Variants in SF3B2 observed in about 807,000 individuals in gnomAD.
SF3B2 encodes splicing factor 3b subunit 2.
SF3B2 carries 22 observed loss-of-function variants against 116.3 expected under a neutral mutation model. The observed-to-expected ratio is 0.19, with a 90% CI of 0.14 to 0.27. The LOEUF (loss-of-function observed/expected upper bound fraction) is 0.27. SF3B2 is among the 10% of genes least tolerant of loss of function. The pLI, the probability that SF3B2 is intolerant of heterozygous loss-of-function variation, is 1.00. For synonymous variants in SF3B2, 406 were observed against 421.6 expected, an observed-to-expected ratio of 0.96 and a Z score of 0.45; for missense variants, 767 against 1,151.4, an observed-to-expected ratio of 0.67 and a Z score of 4.83.
At chr11:66,053,522 T>A (rs1856929895) in intron 3 of SF3B2, 1 of 207,870 alleles carries the variant, frequency 4.8e-6, no homozygotes, top group South Asian at 7.0e-5. Flanking sequence ...CTACAAAAAA[T>A]TTTAAAAATT....
intron 13 of SF3B2, among the ~76,000 whole-genome samples, 188 bp downstream of exon 13, chr11:66,060,197 CT>C (rs1236690668): frequency 6.6e-6 from 1 of 152,216 alleles, no homozygotes; most frequent in Non-Finnish European, 1.5e-5. Flanking sequence ...CTGGTGACTC[CT>C]TTCTCAGATG....
At chr11:66,064,036 C>T (rs920653943) in intron 19 of SF3B2, among the ~76,000 whole-genome samples, 10 of 152,122 alleles carry the variant, frequency 6.6e-5, no homozygotes, top group Non-Finnish European at 7.4e-5. Flanking sequence ...AATGAAAAAG[C>T]GCCAGCCACA....
chr11:66,058,569 T>C (rs919781280), intron 9 of SF3B2, 164 bp downstream of exon 9: 1 of 644,832 alleles, frequency 1.6e-6, no homozygotes, highest in African/African-American at 1.8e-5. Context: ...GAGTTCCAAG[T>C]ACTATACGTG....
rs1167087588 is a variant in SF3B2 at position 66,053,190 on chromosome 11, G to A, written c.258+86G>A. On this transcript the variant is annotated intron_variant, in intron 3 of 21. Transcript: ENST00000322535. ...ATGATGATTGGGTGTTCACGTGCATGTGTGAGATGTGACACCCTTGCACAT... is the reference window on the plus strand; with the variant it reads ...ATGATGATTGGGTGTTCACGTGCATATGTGAGATGTGACACCCTTGCACAT... 9.6e-6 allele frequency: 12 copies of A among 1,246,280 alleles called. No homozygotes were observed. The South Asian group carries it at 1.4e-4, about 15-fold the overall frequency. 77.2% of individuals were successfully genotyped at this position (1,246,280 alleles called of 1,614,324 possible).
chr11:66,063,128 G>C lies in SF3B2; in HGVS notation c.2085+12G>C. 5.7e-6 allele frequency: 9 copies of C among 1,582,718 alleles called. No individual in the cohort carries two copies. The highest frequency in any genetic ancestry group is 7.8e-6 in the Non-Finnish European group (9 of 1,154,372). ...CTGCTGAATTTCAGGTATGGGCCAT[G>C]TACTAGCGATCTTGGTTTTACTTAA... On this transcript the variant is annotated intron_variant, in intron 17 of 21. Coordinates refer to ENST00000322535, the MANE Select transcript of SF3B2 (RefSeq NM_006842.3).
In SF3B2 at chr11:66,059,755, G is replaced by C. The variant is rs1220394414; in HGVS notation, c.1402-27G>C. On this transcript the variant is annotated intron_variant, in intron 12 of 21. Transcript: ENST00000322535. This position sits in a 1 kb window ranked among gnomAD's most constrained non-coding sequence, Gnocchi z 5.0. ...AGAACTGAGAAGTCGGGGCTCTCGA[G>C]AACACGCATTACTATGTGTTTTCCA... 2 of 1,612,248 alleles carry C rather than the reference G, an allele frequency of 1.2e-6. No individual in the cohort carries two copies. Among genetic ancestry groups the C allele is most frequent in the Non-Finnish European group, 1.7e-6 (2 of 1,178,340 alleles).
rs1428263891 is a variant in SF3B2 at position 66,068,725 on chromosome 11, T to C, written c.2668T>C (p.Tyr890His). 1.2e-6 allele frequency: 2 copies of C among 1,613,784 alleles called. No individual in the cohort carries two copies. Among genetic ancestry groups the C allele is most frequent in the Non-Finnish European group, 1.7e-6 (2 of 1,179,952 alleles). Residue 890 changes from tyrosine to histidine, a missense_variant, in exon 22 of 22, where the codon TAT (tyrosine) becomes CAT (histidine). Physicochemically the swap from Tyr to His is moderately conservative, Grantham distance 83 (BLOSUM62 2). Coordinates refer to ENST00000322535, the MANE Select transcript of SF3B2 (RefSeq NM_006842.3). ...PQDSRGGSKK[Y>H]KEFKF is the part of the protein sequence containing the mutation. The stretch of plus-strand genomic sequence containing the variant: ...GGACAGCCGTGGGGGCAGCAAGAAA[T>C]ATAAGGAGTTCAAGTTTTAGGTCCC...
At chr11:66,052,566 G>A in intron 1 of SF3B2, 49 bp downstream of exon 1, 1 of 1,596,282 alleles carries the variant, frequency 6.3e-7, no homozygotes, top group Non-Finnish European at 8.5e-7. Context: ...GCGGAGAAGC[G>A]GAGCCTGGTT....
chr11:66,062,977 G>C (rs763418687), intron 16 of SF3B2, 32 bp from the exon 17 acceptor site: 2 of 1,472,834 alleles, frequency 1.4e-6, no homozygotes, highest in Admixed American at 3.5e-5. Flanking sequence ...TTGCAGCTAA[G>C]GAGTGAACTG....
Position 66,052,892 on chromosome 11 carries a change from C to CT in SF3B2, c.181-133dup, listed in dbSNP as rs540631852. 1.4e-4 allele frequency: 165 copies of CT among 1,215,340 alleles called. No homozygotes were observed. In the South Asian group the frequency reaches 2.0e-3, roughly 14 times the overall value. 75.3% of individuals were successfully genotyped at this position (1,215,340 alleles called of 1,614,324 possible). On this transcript the variant is annotated intron_variant, in intron 2 of 21. Transcript: ENST00000322535. ...CTTAGTTGTAATTTCTTGTATCCAT[C>CT]TTGGTCCTCTTCAGTGCCCAGCCAG...
At chr11:66,062,486 A>G (rs1310622130) in intron 16 of SF3B2, among the ~76,000 whole-genome samples, 1 of 151,968 alleles carries the variant, frequency 6.6e-6, no homozygotes, top group Non-Finnish European at 1.5e-5. Flanking sequence ...TAAAAAAAAA[A>G]AAAAAGAAAA....
intron 13 of SF3B2, 99 bp from the exon 14 acceptor site, chr11:66,060,483 A>G: frequency 7.0e-7 from 1 of 1,424,874 alleles, no homozygotes; most frequent in Admixed American, 1.9e-5. Context: ...GGGTGAGATA[A>G]TTGAGGCTTC....
intron 9 of SF3B2, 162 bp downstream of exon 9, chr11:66,058,567 A>G: frequency 1.5e-6 from 1 of 648,380 alleles, no homozygotes. Flanking sequence ...TTGAGTTCCA[A>G]GTACTATACG....
rs1328225589 is a variant in SF3B2 at position 66,059,511 on chromosome 11, C to T, written c.1321-4C>T. On this transcript the variant is annotated splice_polypyrimidine_tract_variant and splice_region_variant and intron_variant, in intron 11 of 21. Coordinates refer to ENST00000322535, the MANE Select transcript of SF3B2 (RefSeq NM_006842.3). The surrounding 1 kb of genome is among the most constrained non-coding windows in gnomAD (Gnocchi z 5.0). The stretch of plus-strand genomic sequence containing the variant: ...GCTTAAAAGGGCTGATTGTTCTGTT[C>T]TAGGAAAAGAAGCCAGAAGCCCCCA... 1 of 1,613,822 alleles carries T rather than the reference C, an allele frequency of 6.2e-7. No homozygotes were observed. The highest frequency in any genetic ancestry group is 8.5e-7 in the Non-Finnish European group (1 of 1,179,990).
intron 3 of SF3B2, among the ~76,000 whole-genome samples, chr11:66,054,380 G>A (rs1412887635): frequency 3.3e-5 from 5 of 151,954 alleles, no homozygotes; most frequent in African/African-American, 1.2e-4. Context: ...GGGAGGCTGA[G>A]GCACGAGAAT....
intron 19 of SF3B2, chr11:66,067,456 T>C: frequency 2.2e-6 from 1 of 456,282 alleles, no homozygotes; most frequent in Non-Finnish European, 4.4e-6. Flanking sequence ...TCTGGGGTGA[T>C]AGTGGTAGAT....
Position 66,059,061 on chromosome 11 carries a change from A to G in SF3B2, c.1182+16A>G, listed in dbSNP as rs1221009728. On this transcript the variant is annotated intron_variant, in intron 10 of 21. Coordinates refer to ENST00000322535, the MANE Select transcript of SF3B2 (RefSeq NM_006842.3). This position sits in a 1 kb window ranked among gnomAD's most constrained non-coding sequence, Gnocchi z 5.0. ...GGCTTTTAAGGTACAAGGAGAGCAC[A>G]CTAGGAAGGGGCAGTGCCAAACAGG... The G allele has an allele frequency of 2.5e-6, 4 of 1,612,416 alleles. No homozygotes were observed. The highest frequency in any genetic ancestry group is 3.4e-6 in the Non-Finnish European group (4 of 1,178,738).
At chr11:66,052,756 C>T (rs1313095154) in intron 2 of SF3B2, 37 bp downstream of exon 2, 3 of 1,536,640 alleles carry the variant, frequency 2.0e-6, no homozygotes, top group Non-Finnish European at 2.6e-6. Context: ...ATAGGCCGAG[C>T]TTCTCCAGGA....
At chr11:66,063,841 T>C in intron 19 of SF3B2, 112 bp downstream of exon 19, 1 of 818,366 alleles carries the variant, frequency 1.2e-6, no homozygotes, top group Non-Finnish European at 1.9e-6. Flanking sequence ...TTGAACCAAC[T>C]CTCTGCCAGG....
Sources: gnomAD v4.1 joint callset for allele counts (sites outside exome capture counted in the v4.1 genomes callset) on GRCh38, gnomAD v4.1.1 for gene constraint, Gnocchi (gnomAD v3.1) non-coding constraint, MANE v1.5 for transcripts, NCBI Gene and HGNC (gene_info 2026-07-23, HGNC 2026-07-21) for gene names.